The following EIF2B5 variants were observed in gnomAD, a reference collection of about 807,000 sequenced individuals.
The protein encoded by EIF2B5 is translation initiation factor eIF2B subunit epsilon.
EIF2B5 carries 38 observed loss-of-function variants against 87.3 expected under a neutral mutation model. The observed-to-expected ratio is 0.44, with a 90% CI of 0.34 to 0.57. The LOEUF (loss-of-function observed/expected upper bound fraction) is 0.57. EIF2B5 is among the 20% of genes least tolerant of loss of function. The pLI is 0.02. For synonymous variants in EIF2B5, 313 were observed against 339.6 expected (o/e 0.92, Z 0.86); for missense variants, 784 against 909.5 (o/e 0.86, Z 1.78).
In EIF2B5 at chr3:184,135,366, G is replaced by A. The variant is rs763267958; in HGVS notation, c.-20G>A. The A allele has an allele frequency of 3.4e-5, 54 of 1,569,376 alleles. No individual in the cohort carries two copies. Among genetic ancestry groups the A allele is most frequent in the Non-Finnish European group, 4.5e-5 (52 of 1,157,742 alleles). ...GCGGTGGCAGCTTCCTTGCGGAAGT[G>A]GTGACCGTGAGAGAAGAAGATGGCG... is the stretch of plus-strand genomic sequence containing the variant. On this transcript the variant is annotated 5_prime_UTR_variant, in exon 1 of 16. Transcript: ENST00000648915.
Position 184,142,674 on chromosome 3 carries a change from A to T in EIF2B5, c.1546+71A>T. 2 of 1,558,940 alleles carry T rather than the reference A, an allele frequency of 1.3e-6. No homozygotes were observed. Among genetic ancestry groups the T allele is most frequent in the Non-Finnish European group, 1.8e-6 (2 of 1,142,736 alleles). ...TTTTGAAGGATAATGAATACTTCAG[A>T]GTCACATTACTTATTCACTCCTTTA... On this transcript the variant is annotated intron_variant, in intron 10 of 15. Transcript: ENST00000648915. This position sits in a 1 kb window ranked among gnomAD's most constrained non-coding sequence, Gnocchi z 5.0.
At position 184,137,727 on chromosome 3, in the gene EIF2B5, T is replaced by C; in HGVS notation, c.428T>C (p.Leu143Ser). Residue 143 changes from leucine (L) to serine (S), a missense_variant, in exon 3 of 16, where the codon TTG (leucine) becomes TCG (serine). Physicochemically the swap from Leu to Ser is moderately radical, Grantham distance 145. This residue lies in a region of EIF2B5 where 660 missense variants were observed against 789.5 expected (regional missense o/e 0.84). Transcript: ENST00000648915. ...DVLRDVDAKA[L>S]VRSDFLLVYG... is the part of the protein sequence containing the mutation. ...CTCCGTGATGTTGATGCCAAGGCTT[T>C]GGTGCGCTCTGACTTTCTTCTGGTG... The C allele has an allele frequency of 6.2e-7, 1 of 1,614,206 alleles. No homozygotes were observed. Among genetic ancestry groups the C allele is most frequent in the East Asian group, 2.2e-5 (1 of 44,884 alleles).
intron 5 of EIF2B5, among the ~76,000 whole-genome samples, chr3:184,138,547 G>T (rs1457958174): frequency 6.6e-6 from 1 of 151,838 alleles, no homozygotes; most frequent in African/African-American, 2.4e-5. Flanking sequence ...TAGAGATGGG[G>T]TTTCACCATG....
At chr3:184,143,232 T>C in intron 12 of EIF2B5, 90 bp downstream of exon 12, 4 of 1,504,872 alleles carry the variant, frequency 2.7e-6, no homozygotes, top group Non-Finnish European at 3.6e-6. Context: ...TAGGAACCTA[T>C]TCCTTCGACA....
chr3:184,142,091 T>C lies in EIF2B5; in HGVS notation c.1302+21T>C. On this transcript the variant is annotated intron_variant, in intron 8 of 15. Transcript: ENST00000648915. This position sits in a 1 kb window ranked among gnomAD's most constrained non-coding sequence, Gnocchi z 5.0. Reference sequence around the variant, plus strand: ...CCCAGGTGAGACCTGATCTATACTGTGCACAGGCCCTGAATTGCATGGCAG... The same window carrying C: ...CCCAGGTGAGACCTGATCTATACTGCGCACAGGCCCTGAATTGCATGGCAG... The C allele has an allele frequency of 6.2e-7, 1 of 1,614,152 alleles. No homozygotes were observed. The highest frequency in any genetic ancestry group is 1.3e-5 in the African/African-American group (1 of 75,040).
Position 184,140,336 on chromosome 3 carries a change from T to G in EIF2B5, c.844-82T>G, listed in dbSNP as rs1218437079. On this transcript the variant is annotated intron_variant, in intron 6 of 15. Transcript: ENST00000648915. ...GTGGCAGTGAGAGGCAGAGGGGAAC[T>G]TAAAAGGATTAGAAAAGTTGTACTT... is the stretch of plus-strand genomic sequence containing the variant. The G allele has an allele frequency of 5.9e-6, 9 of 1,525,418 alleles. No individual in the cohort carries two copies. The East Asian group carries it at 2.0e-4, about 34-fold the overall frequency. 94.5% of individuals were successfully genotyped at this position (1,525,418 alleles called of 1,614,324 possible). A position where few individuals can be genotyped will look rare whatever the true frequency, so the allele number is the denominator to read the frequency against.
chr3:184,140,239 T>G (rs1713565227), intron 6 of EIF2B5, 82 bp downstream of exon 6: 7 of 1,480,374 alleles, frequency 4.7e-6, no homozygotes, highest in Non-Finnish European at 6.6e-6. Context: ...TTGATCTTTT[T>G]TGTATTTTAT....
intron 1 of EIF2B5, chr3:184,135,835 T>C: frequency 1.7e-6 from 1 of 578,062 alleles, no homozygotes; most frequent in Non-Finnish European, 3.1e-6. Context: ...GAAACAGCGC[T>C]TGAGAGAAGC....
At position 184,136,667 on chromosome 3, in the gene EIF2B5, C is replaced by T; in HGVS notation, c.251C>T (p.Thr84Ile). ...ATTGACTACACTCTGGAATTCCTGA[C>T]TGCCACAGGTGTACAGGAAACATTT... ...ALIDYTLEFL[T>I]ATGVQETFVF... Residue 84 changes from threonine (T) to isoleucine (I), a missense_variant, in exon 2 of 16, where the codon ACT (threonine) becomes ATT (isoleucine). Physicochemically the swap from Thr to Ile is moderately conservative, Grantham distance 89 (BLOSUM62 -1). This residue lies in a region of EIF2B5 where 7 missense variants were observed against 19.1 expected (regional missense o/e 0.37). Coordinates refer to ENST00000648915, the MANE Select transcript of EIF2B5 (RefSeq NM_003907.3). 1.2e-6 allele frequency: 2 copies of T among 1,614,146 alleles called. No individual in the cohort carries two copies. Among genetic ancestry groups the T allele is most frequent in the East Asian group, 2.2e-5 (1 of 44,880 alleles).
chr3:184,144,326 G>A (rs1032025958), intron 14 of EIF2B5, 102 bp downstream of exon 14: 1 of 1,560,616 alleles, frequency 6.4e-7, no homozygotes, highest in Non-Finnish European at 8.8e-7. Flanking sequence ...AATCCAGTAT[G>A]GACCATCCAC....
Position 184,140,113 on chromosome 3 carries a change from C to G in EIF2B5, c.799C>G (p.Gln267Glu). 3 of 1,613,822 alleles carry G rather than the reference C, an allele frequency of 1.9e-6. No homozygotes were observed. Among genetic ancestry groups the G allele is most frequent in the Non-Finnish European group, 1.7e-6 (2 of 1,179,836 alleles). ...ACTCTTTACAGACAACTTTGACTAC[C>G]AAACTCGAGATGACTTTGTGCGAGG... ...AQLFTDNFDY[Q>E]TRDDFVRGLL... The change falls in exon 6 of 16, where the codon CAA becomes GAA. Residue 267 changes from glutamine (Q) to glutamate (E), a missense_variant. Physicochemically the swap from Gln to Glu is conservative, Grantham distance 29. Around this residue, in one of 3 missense-constraint regions of EIF2B5, gnomAD observed 660 missense variants for 789.5 expected, o/e 0.84. Coordinates refer to ENST00000648915, the MANE Select transcript of EIF2B5 (RefSeq NM_003907.3).
At chr3:184,141,112 AT>A (rs1441740177) in intron 7 of EIF2B5, among the ~76,000 whole-genome samples, 1 of 152,210 alleles carries the variant, frequency 6.6e-6, no homozygotes, top group African/African-American at 2.4e-5. Context: ...GCCCAAGGTC[AT>A]TGGTAATAAT....
Position 184,140,478 on chromosome 3 carries a change from A to C in EIF2B5, c.904A>C (p.Asn302His). Residue 302 changes from asparagine (N) to histidine (H), a missense_variant, in exon 7 of 16, where the codon AAC (asparagine) becomes CAC (histidine). Asn to His is a moderately conservative substitution (Grantham distance 68). Transcript: ENST00000648915. ...TAAGGAATATGGTGCCCGTGTCTCC[A>C]ACCTACACATGTACTCAGCTGTCTG... Reference protein sequence around the residue: ...TAKEYGARVSNLHMYSAVCAD... With the variant: ...TAKEYGARVSHLHMYSAVCAD... 6.2e-7 allele frequency: 1 copy of C among 1,614,096 alleles called. No homozygotes were observed.
chr3:184,140,967 T>C (rs568932926), intron 7 of EIF2B5: 109 of 583,114 alleles, frequency 1.9e-4, no homozygotes, highest in South Asian at 7.2e-4. Flanking sequence ...TGTAGTCACA[T>C]TCAGGAGCAA....
rs1241539445 is a variant in EIF2B5 at position 184,145,145 on chromosome 3, TG to T, written c.*206del. ...TGACTGTGGAGTTGGGATGTGGAAG[TG>T]GGGCTGGAACAAAGCTTCTGCCTAG... On this transcript the variant is annotated 3_prime_UTR_variant, in exon 16 of 16. Transcript: ENST00000648915. The surrounding 1 kb of genome is among the most constrained non-coding windows in gnomAD (Gnocchi z 4.0). The T allele has an allele frequency of 6.2e-6, 4 of 643,616 alleles. 1 individual carries two copies. The Admixed American group carries it at 9.0e-5, about 15-fold the overall frequency. The allele number at this position is 643,616 out of a possible 1,614,324, so 39.9% of individuals were successfully genotyped here.
Position 184,139,284 on chromosome 3 carries a change from T to TA in EIF2B5, c.766-796_766-795insA, listed in dbSNP as rs1264276225. ...CTGCACCCAGCATTTTTTTTTTTTT[T>TA]TTTTTTTTTTTTTTGAGTCGGAGTT... is the stretch of plus-strand genomic sequence containing the variant. On this transcript the variant is annotated intron_variant, in intron 5 of 15. Transcript: ENST00000648915. Among the ~76,000 whole-genome samples the TA allele has an allele frequency of 7.4e-5, 10 of 135,960 alleles. No individual in the cohort carries two copies. The East Asian group carries it at 1.7e-3, about 24-fold the overall frequency. 89.2% of individuals were successfully genotyped at this position (135,960 alleles called of 152,430 possible).
chr3:184,142,412 G>A lies in EIF2B5; in HGVS notation c.1444+34G>A, dbSNP rs779011303. On this transcript the variant is annotated intron_variant, in intron 9 of 15. Transcript: ENST00000648915. This position sits in a 1 kb window ranked among gnomAD's most constrained non-coding sequence, Gnocchi z 5.0. ...CTCAACAGGTGTGGGGCATCTGTGTGTCTCGCTGCCTCATAGAAGAACCAG... is the reference window on the plus strand; with the variant it reads ...CTCAACAGGTGTGGGGCATCTGTGTATCTCGCTGCCTCATAGAAGAACCAG... 1.2e-6 allele frequency: 2 copies of A among 1,614,202 alleles called. No individual in the cohort carries two copies. Among genetic ancestry groups the A allele is most frequent in the Non-Finnish European group, 1.7e-6 (2 of 1,180,046 alleles).
At position 184,137,960 on chromosome 3, in the gene EIF2B5, C is replaced by A. The variant is rs1180735828; in HGVS notation, c.569C>A (p.Pro190His). Residue 190 changes from proline to histidine, a missense_variant, in exon 4 of 16, where the codon CCC (proline) becomes CAC (histidine). Transcript: ENST00000648915. ...VMTMIFKESS[P>H]SHPTRCHEDN... ...ACGATGATCTTCAAGGAGTCATCCCCCAGCCACCCAACTCGTTGCCACGAA... is the reference window on the plus strand; with the variant it reads ...ACGATGATCTTCAAGGAGTCATCCCACAGCCACCCAACTCGTTGCCACGAA... 6.2e-7 allele frequency: 1 copy of A among 1,614,048 alleles called. No homozygotes were observed. Among genetic ancestry groups the A allele is most frequent in the East Asian group, 2.2e-5 (1 of 44,894 alleles).
chr3:184,142,115 AG>A lies in EIF2B5; in HGVS notation c.1302+46del. The A allele has an allele frequency of 1.2e-6, 2 of 1,614,130 alleles. No homozygotes were observed. Among genetic ancestry groups the A allele is most frequent in the Non-Finnish European group, 8.5e-7 (1 of 1,180,020 alleles). On this transcript the variant is annotated intron_variant, in intron 8 of 15. Transcript: ENST00000648915. The surrounding 1 kb of genome is among the most constrained non-coding windows in gnomAD (Gnocchi z 5.0). The stretch of plus-strand genomic sequence containing the variant: ...GTGCACAGGCCCTGAATTGCATGGC[AG>A]TCACACTGAGCCAGAAGGGGCATTA...
Sources: allele counts gnomAD v4.1 joint callset (sites outside exome capture counted in the v4.1 genomes callset), GRCh38; gene constraint gnomAD v4.1.1; regional missense constraint gnomAD v4.1.1; non-coding constraint Gnocchi (gnomAD v3.1); transcripts MANE v1.5; gene names NCBI Gene and HGNC (gene_info 2026-07-23, HGNC 2026-07-21).